The following RPRD2 variants were observed in gnomAD, a reference collection of about 807,000 sequenced individuals.
RPRD2 encodes regulation of nuclear pre-mRNA domain containing 2.
A neutral mutation model predicts 104.4 loss-of-function variants in RPRD2; 12 were observed. The ratio of observed to expected loss-of-function variants is 0.11; its 90% CI spans 0.07 to 0.19. RPRD2 has a LOEUF of 0.19. Ranked by LOEUF, RPRD2 falls within the 10% of genes least tolerant of loss-of-function variation. The pLI is 1.00. For synonymous variants in RPRD2, 714 were observed against 684.9 expected (o/e 1.04, Z -0.66); for missense variants, 1,543 against 1,790.1 (o/e 0.86, Z 2.49).
chr1:150,417,430 A>G (rs1322382573), intron 1 of RPRD2, among the ~76,000 whole-genome samples, 166 bp from the exon 2 acceptor site: 1 of 152,060 alleles, frequency 6.6e-6, no homozygotes, highest in Non-Finnish European at 1.5e-5. Context: ...CGGTTTATCC[A>G]TCCATCCTTC....
At chr1:150,410,865 G>T (rs1260604654) in intron 1 of RPRD2, among the ~76,000 whole-genome samples, 2 of 152,152 alleles carry the variant, frequency 1.3e-5, no homozygotes, top group East Asian at 3.8e-4. Context: ...TTGGTCTCTG[G>T]TGAGGGCTCA....
chr1:150,437,733 C>T (rs765100009), intron 2 of RPRD2, among the ~76,000 whole-genome samples: 7 of 151,920 alleles, frequency 4.6e-5, no homozygotes, highest in Non-Finnish European at 1.0e-4. Flanking sequence ...GTGTGCCCCA[C>T]CACATCTGGC....
intron 5 of RPRD2, 118 bp from the exon 6 acceptor site, chr1:150,444,133 G>T: frequency 2.0e-6 from 2 of 1,008,582 alleles, no homozygotes; most frequent in Non-Finnish European, 2.8e-6. Flanking sequence ...CCAGGGTTTT[G>T]TTAAGCTTTA....
At chr1:150,373,858 G>A (rs1177208228) in intron 1 of RPRD2, among the ~76,000 whole-genome samples, 2 of 152,084 alleles carry the variant, frequency 1.3e-5, no homozygotes, top group East Asian at 1.9e-4. Flanking sequence ...TGTAGATAGG[G>A]AAGTAAGTCT....
chr1:150,388,520 C>CACACACAT (rs1553882591), intron 1 of RPRD2, among the ~76,000 whole-genome samples: 3 of 148,270 alleles, frequency 2.0e-5, no homozygotes, highest in African/African-American at 7.4e-5. Context: ...CACACACACA[C>CACACACAT]ACATATATAC....
At chr1:150,376,967 T>G (rs1660745932) in intron 1 of RPRD2, among the ~76,000 whole-genome samples, 1 of 150,970 alleles carries the variant, frequency 6.6e-6, no homozygotes, top group Non-Finnish European at 1.5e-5. Context: ...TCCCAGCACT[T>G]TGGGAGGCCA....
At chr1:150,387,847 C>T (rs1553882225) in intron 1 of RPRD2, among the ~76,000 whole-genome samples, 1 of 150,758 alleles carries the variant, frequency 6.6e-6, no homozygotes, top group Non-Finnish European at 1.5e-5. Context: ...GCCTCGGCCT[C>T]CCAAAGTGCT....
intron 2 of RPRD2, among the ~76,000 whole-genome samples, chr1:150,440,268 C>G (rs35322831): frequency 6.6e-6 from 1 of 151,628 alleles, no homozygotes; most frequent in Non-Finnish European, 1.5e-5. Context: ...CGGCCTCCCA[C>G]AATTGGCCAG....
At chr1:150,387,778 CAG>C (rs1163605315) in intron 1 of RPRD2, among the ~76,000 whole-genome samples, 1 of 150,570 alleles carries the variant, frequency 6.6e-6, no homozygotes, top group African/African-American at 2.4e-5. Flanking sequence ...TTTTAGTAGA[CAG>C]AGATTCACCA....
chr1:150,416,882 A>AAC lies in RPRD2; in HGVS notation c.206-713_206-712insCA, dbSNP rs1553888679. Among the ~76,000 whole-genome samples, 640 of 148,436 alleles carry AAC rather than the reference A, an allele frequency of 4.3e-3. 7 individuals carry two copies. The highest frequency in any genetic ancestry group is 7.2e-3 in the Non-Finnish European group (482 of 67,372). ...GTGAGACTCCATCTCCAAAAAAAAA[A>AAC]AAAAAAAAACAAAAAGAAGAAGAAG... On this transcript the variant is annotated intron_variant, in intron 1 of 10. Transcript: ENST00000369068.
rs1560233494 is a variant in RPRD2, at chr1:150,472,943, T to C, written c.3995T>C (p.Leu1332Pro). 1 of 1,613,712 alleles carries C rather than the reference T, an allele frequency of 6.2e-7. No homozygotes were observed. The highest frequency in any genetic ancestry group is 8.5e-7 in the Non-Finnish European group (1 of 1,179,754). The stretch of plus-strand genomic sequence containing the variant: ...TTTCCCAAGGACCATAGTTCCCTCC[T>C]TCAAGGGACCCTGGCTGAGCATTTT... ...AVFPKDHSSL[L>P]QGTLAEHFGV... The change falls in exon 11 of 11, where the codon CTT becomes CCT. Residue 1332 changes from leucine to proline, a missense_variant. Physicochemically the swap from Leu to Pro is moderately conservative, Grantham distance 98. Transcript: ENST00000369068.
At chr1:150,400,495 G>A (rs1323593887) in intron 1 of RPRD2, among the ~76,000 whole-genome samples, 2 of 152,162 alleles carry the variant, frequency 1.3e-5, no homozygotes, top group Non-Finnish European at 2.9e-5. Context: ...TATAGGGAGT[G>A]CACAGCCTAC....
Position 150,464,562 on chromosome 1 carries a change from C to G in RPRD2, c.1447C>G (p.Pro483Ala). The change falls in exon 10 of 11, where the codon CCC becomes GCC. Residue 483 changes from proline to alanine, a missense_variant. By Grantham distance (27) the Pro-to-Ala change is conservative. Transcript: ENST00000369068. ...TGCATCAAGACCTTCTCCAGGAACG[C>G]CCACCAGCCCCAGCAACCTCACCAG... Reference protein sequence around the residue: ...SPASRPSPGTPTSPSNLTSGL... With the variant: ...SPASRPSPGTATSPSNLTSGL... 6.2e-7 allele frequency: 1 copy of G among 1,605,066 alleles called. No homozygotes were observed.
intron 1 of RPRD2, among the ~76,000 whole-genome samples, chr1:150,405,124 T>A (rs1252322938): frequency 3.9e-5 from 6 of 152,198 alleles, no homozygotes; most frequent in Non-Finnish European, 8.8e-5. Flanking sequence ...TTGTTACAGA[T>A]TTTTGTGATT....
chr1:150,371,941 A>G (rs189021345), intron 1 of RPRD2, among the ~76,000 whole-genome samples: 2 of 152,188 alleles, frequency 1.3e-5, no homozygotes, highest in Non-Finnish European at 2.9e-5. Flanking sequence ...TGGCATAACT[A>G]TCTCTTAGTG....
rs1350949298 is a variant in RPRD2 at position 150,436,389 on chromosome 1, C to T, written c.336-4534C>T. On this transcript the variant is annotated intron_variant, in intron 2 of 10. Transcript: ENST00000369068. Reference sequence around the variant, plus strand: ...GGCCGAGGCAGGCAGATCACGAGGTCGGGAGATCGAGACCATCCTGGCTAA... The same window carrying T: ...GGCCGAGGCAGGCAGATCACGAGGTTGGGAGATCGAGACCATCCTGGCTAA... Among the ~76,000 whole-genome samples the T allele has an allele frequency of 4.7e-5, 7 of 147,820 alleles. 1 individual carries two copies. Among genetic ancestry groups the T allele is most frequent in the East Asian group, 4.1e-4 (2 of 4,852 alleles).
At chr1:150,390,447 C>T (rs183798106) in intron 1 of RPRD2, among the ~76,000 whole-genome samples, 29 of 152,106 alleles carry the variant, frequency 1.9e-4, no homozygotes, top group East Asian at 1.2e-3. Context: ...TGCAGTGAGC[C>T]GAGATCACGC....
chr1:150,403,227 CATACATATATATT>C (rs1322432525), intron 1 of RPRD2, among the ~76,000 whole-genome samples: 1 of 152,120 alleles, frequency 6.6e-6, no homozygotes, highest in Non-Finnish European at 1.5e-5. Context: ...TTAATACTTG[CATACATATATATT>C]ATCAGTTTTT....
In RPRD2 at chr1:150,473,787, T is replaced by C. The variant is rs1462302825; in HGVS notation, c.*453T>C. 6.5e-6 allele frequency: 1 copy of C among 152,842 alleles called. No individual in the cohort carries two copies. The highest frequency in any genetic ancestry group is 2.4e-5 in the African/African-American group (1 of 41,456). 9.5% of individuals were successfully genotyped at this position (152,842 alleles called of 1,614,324 possible). A position where few individuals can be genotyped will look rare whatever the true frequency, so the allele number is the denominator to read the frequency against. On this transcript the variant is annotated 3_prime_UTR_variant, in exon 11 of 11. Coordinates refer to ENST00000369068, the MANE Select transcript of RPRD2 (RefSeq NM_015203.5). Reference sequence around the variant, plus strand: ...TCAATGGAAGGATTCCCGTCCCCTCTCTCGGCAGCTTAGTAACTGCTGTAG... The same window carrying C: ...TCAATGGAAGGATTCCCGTCCCCTCCCTCGGCAGCTTAGTAACTGCTGTAG...
Sources: gnomAD v4.1 joint callset for allele counts (sites outside exome capture counted in the v4.1 genomes callset) on GRCh38, gnomAD v4.1.1 for gene constraint, MANE v1.5 for transcripts, NCBI Gene and HGNC (gene_info 2026-07-23, HGNC 2026-07-21) for gene names.